Variants in CLPSL1 observed in about 807,000 individuals in gnomAD.
CLPSL1 encodes the protein colipase like 1.
In CLPSL1, 13 loss-of-function variants were observed where a neutral mutation model predicts 9.3. The observed-to-expected ratio is 1.40, with a 90% confidence interval of 0.91 to 2.22. The LOEUF (loss-of-function observed/expected upper bound fraction) is 2.22, where lower values mean the gene tolerates loss of function less well. Ranked by LOEUF, CLPSL1 falls within the 30% of genes most tolerant of loss-of-function variation. The pLI is 0.00. For synonymous variants in CLPSL1, 58 were observed against 56.9 expected (o/e 1.02, Z -0.08); for missense variants, 164 against 146.6 (o/e 1.12, Z -0.61).
downstream of CLPSL1, among the ~76,000 whole-genome samples, chr6:35,792,934 T>G (rs1160511279): frequency 1.3e-5 from 2 of 152,268 alleles, no homozygotes; most frequent in East Asian, 3.8e-4. Context: ...ATTACCTGGT[T>G]TCCTAATAGC....
At chr6:35,783,056 C>T (rs1767996744) in intron 1 of CLPSL1, among the ~76,000 whole-genome samples, 1 of 152,160 alleles carries the variant, frequency 6.6e-6, no homozygotes, top group African/African-American at 2.4e-5. Context: ...CAGACCCCCT[C>T]ATCACTACCG....
downstream of CLPSL1, among the ~76,000 whole-genome samples, chr6:35,793,039 G>A (rs531472393): frequency 7.2e-5 from 11 of 152,384 alleles, no homozygotes; most frequent in Admixed American, 2.6e-4. Flanking sequence ...TGCTTTCCCA[G>A]CGTCCCTTGC....
At chr6:35,793,615 C>T (rs1304147235) in exon 2 of CLPSL1, 4 of 468,562 alleles carry the variant, frequency 8.5e-6, no homozygotes, top group African/African-American at 8.0e-5. Context: ...AATGCCAGCA[C>T]TTCCTGTGTC....
chr6:35,785,391 A>C (rs1768049077), intron 1 of CLPSL1, among the ~76,000 whole-genome samples: 1 of 151,822 alleles, frequency 6.6e-6, no homozygotes, highest in African/African-American at 2.4e-5. Flanking sequence ...GTTAGCCAGG[A>C]TGGTCTCGAT....
intron 1 of CLPSL1, among the ~76,000 whole-genome samples, chr6:35,781,571 C>A (rs1377462831): frequency 6.6e-6 from 1 of 151,980 alleles, no homozygotes; most frequent in African/African-American, 2.4e-5. Flanking sequence ...GATAAAAATC[C>A]TTGCCCTTGT....
intron 1 of CLPSL1, among the ~76,000 whole-genome samples, chr6:35,786,691 T>G (rs1768078701): frequency 1.4e-5 from 2 of 144,072 alleles, no homozygotes; most frequent in Non-Finnish European, 3.0e-5. Context: ...GCGAGAAGGC[T>G]CTGCAGCAGA....
At chr6:35,789,826 G>A (rs1768153396), downstream of CLPSL1, among the ~76,000 whole-genome samples, 1 of 152,176 alleles carries the variant, frequency 6.6e-6, no homozygotes, top group South Asian at 2.1e-4. Flanking sequence ...CCTGGGAGGT[G>A]GAGGTTGCAG....
intron 1 of CLPSL1, among the ~76,000 whole-genome samples, chr6:35,783,117 T>C (rs1224965461): frequency 6.6e-6 from 1 of 152,096 alleles, no homozygotes; most frequent in Non-Finnish European, 1.5e-5. Context: ...TCACTCTTAC[T>C]CTCCTAGTCA....
chr6:35,788,747 C>T (rs572180859), downstream of CLPSL1, among the ~76,000 whole-genome samples: 214 of 152,312 alleles, frequency 1.4e-3, no homozygotes, highest in Admixed American at 6.2e-3. Context: ...AAGACTGGAG[C>T]AGCGACTGTG....
downstream of CLPSL1, among the ~76,000 whole-genome samples, chr6:35,791,338 C>T (rs1035393209): frequency 1.1e-4 from 17 of 152,356 alleles, no homozygotes; most frequent in East Asian, 1.7e-3. Context: ...AGGCCGGGCA[C>T]GGGGGCTCAC....
intron 1 of CLPSL1, among the ~76,000 whole-genome samples, chr6:35,783,668 CG>C (rs1449684905): frequency 6.7e-6 from 1 of 149,900 alleles, no homozygotes; most frequent in African/African-American, 2.5e-5. Context: ...ATTAGCTGTG[CG>C]TGGTGGCGGG....
rs758677905 is a variant in CLPSL1 at position 35,787,106 on chromosome 6, C to T, written c.208C>T (p.Leu70=). Residue 70 remains leucine (L), a synonymous_variant, in exon 2 of 3, where the codon CTG becomes TTG. Coordinates refer to ENST00000373861, the MANE Select transcript of CLPSL1 (RefSeq NM_001010886.5). Reference sequence around the variant, plus strand: ...CGCGGAGAAGGGGTCCGAGGGCAGTCTGTGTCAAACGCAGGTGGGTATCGC... The same window carrying T: ...CGCGGAGAAGGGGTCCGAGGGCAGTTTGTGTCAAACGCAGGTGGGTATCGC... The part of the protein sequence containing the change: ...HCAEKGSEGS[L]CQTQVFFGQY... 6.2e-7 allele frequency: 1 copy of T among 1,611,946 alleles called. No individual in the cohort carries two copies. The highest frequency in any genetic ancestry group is 1.1e-5 in the South Asian group (1 of 90,322).
intron 1 of CLPSL1, among the ~76,000 whole-genome samples, chr6:35,783,072 A>G (rs919636783): frequency 1.3e-5 from 2 of 152,192 alleles, no homozygotes; most frequent in South Asian, 4.1e-4. Flanking sequence ...TACCGTCAGA[A>G]CAAGATATAG....
At chr6:35,783,946 C>A (rs1008164254) in intron 1 of CLPSL1, among the ~76,000 whole-genome samples, 2 of 152,108 alleles carry the variant, frequency 1.3e-5, no homozygotes, top group Admixed American at 6.5e-5. Flanking sequence ...CTAGTGTGAA[C>A]CCAAAATATC....
Position 35,788,077 on chromosome 6 carries a change from C to T in CLPSL1, c.*67C>T. ...TCCTCCCTACCCAGAGCTCTGTGTT[C>T]ACCCTGTTCCCCAGAGCCTCCACCA... On this transcript the variant is annotated 3_prime_UTR_variant, in exon 3 of 3. Transcript: ENST00000373861. 7.7e-7 allele frequency: 1 copy of T among 1,294,054 alleles called. No individual in the cohort carries two copies. Among genetic ancestry groups the T allele is most frequent in the Non-Finnish European group, 1.1e-6 (1 of 893,264 alleles). The allele number at this position is 1,294,054 out of a possible 1,614,324, so 80.2% of individuals were successfully genotyped here. A position where few individuals can be genotyped will look rare whatever the true frequency, so the allele number is the denominator to read the frequency against.
intron 1 of CLPSL1, among the ~76,000 whole-genome samples, chr6:35,785,112 G>A (rs1768042579): frequency 6.6e-6 from 1 of 151,954 alleles, no homozygotes; most frequent in South Asian, 2.1e-4. Flanking sequence ...GGGTGTTTAG[G>A]AAGTTGTACG....
At chr6:35,792,849 G>C (rs1413574911), downstream of CLPSL1, among the ~76,000 whole-genome samples, 1 of 152,262 alleles carries the variant, frequency 6.6e-6, no homozygotes, top group Non-Finnish European at 1.5e-5. Flanking sequence ...CCCTGCTCAG[G>C]GCCTGAGACC....
chr6:35,787,666 G>C (rs958782435), intron 2 of CLPSL1, among the ~76,000 whole-genome samples: 2 of 152,286 alleles, frequency 1.3e-5, no homozygotes, highest in Admixed American at 6.5e-5. Flanking sequence ...AAGGTCTGGA[G>C]CTGGGAGGAC....
chr6:35,784,522 G>A (rs1298992427), intron 1 of CLPSL1, among the ~76,000 whole-genome samples: 1 of 152,194 alleles, frequency 6.6e-6, no homozygotes, highest in African/African-American at 2.4e-5. Context: ...TGGATTGGTG[G>A]TGGTGGGAGG....
Sources: allele counts gnomAD v4.1 joint callset (sites outside exome capture counted in the v4.1 genomes callset), GRCh38; gene constraint gnomAD v4.1.1; transcripts MANE v1.5; gene names NCBI Gene and HGNC (gene_info 2026-07-23, HGNC 2026-07-21).